Variants in NOL4L observed in about 807,000 individuals in gnomAD.
NOL4L encodes nucleolar protein 4-like.
In NOL4L, 7 loss-of-function variants were observed where a neutral mutation model predicts 64.5. That is an observed-to-expected ratio of 0.11 (90% CI 0.06 to 0.20). The LOEUF (loss-of-function observed/expected upper bound fraction) is 0.20, where lower values mean the gene tolerates loss of function less well. NOL4L is among the 10% of genes least tolerant of loss of function. The probability of loss-of-function intolerance (pLI) is 1.00; values close to 1 mark genes in which losing one functional copy is unlikely to be tolerated. For synonymous variants in NOL4L, 413 were observed against 401.0 expected (o/e 1.03, Z -0.36); for missense variants, 680 against 967.1 (o/e 0.70, Z 3.94).
chr20:32,483,709 GCAGCAGGA>G, intron 4 of NOL4L: 1 of 59,770 alleles, frequency 1.7e-5, no homozygotes, highest in Non-Finnish European at 3.5e-5. Context: ...AGTAGGAGGA[GCAGCAGGA>G]GGAGGTGGCG....
intron 1 of NOL4L, among the ~76,000 whole-genome samples, chr20:32,540,564 C>T (rs1305394122): frequency 6.6e-6 from 1 of 152,164 alleles, no homozygotes; most frequent in Non-Finnish European, 1.5e-5. Context: ...TTCACTGATT[C>T]AACAAATCCT....
intron 4 of NOL4L, chr20:32,486,594 A>T (rs2016095074): frequency 2.5e-6 from 1 of 399,372 alleles, no homozygotes; most frequent in Non-Finnish European, 5.2e-6. Context: ...GACAAATAGG[A>T]TCTTAGCGTG....
chr20:32,503,651 T>G (rs1369610872), intron 4 of NOL4L, among the ~76,000 whole-genome samples: 1 of 152,194 alleles, frequency 6.6e-6, no homozygotes, highest in African/African-American at 2.4e-5. Context: ...TCCAAGACAG[T>G]AGCAAAATCT....
At chr20:32,577,576 T>G (rs1980196491) in intron 1 of NOL4L, among the ~76,000 whole-genome samples, 1 of 152,196 alleles carries the variant, frequency 6.6e-6, no homozygotes, top group Non-Finnish European at 1.5e-5. Flanking sequence ...CCAGGTGCAG[T>G]GCCCACTGCC....
Position 32,445,166 on chromosome 20 carries a change from G to C in NOL4L, c.*2430C>G, listed in dbSNP as rs139368634. On this transcript the variant is annotated 3_prime_UTR_variant, in exon 11 of 11. Transcript: ENST00000621426. ...AACAACATATTCTTTCCTTTCTCTT[G>C]AAAACACATTGAACCTACGCTCTTG... 27 of 152,378 alleles carry C rather than the reference G, an allele frequency of 1.8e-4. No homozygotes were observed. Among genetic ancestry groups the C allele is most frequent in the African/African-American group, 6.5e-4 (27 of 41,586 alleles). 9.4% of individuals were successfully genotyped at this position (152,378 alleles called of 1,614,324 possible). A position where few individuals can be genotyped will look rare whatever the true frequency, so the allele number is the denominator to read the frequency against.
At chr20:32,575,406 G>A (rs577591146) in intron 1 of NOL4L, among the ~76,000 whole-genome samples, 3 of 152,138 alleles carry the variant, frequency 2.0e-5, no homozygotes, top group Non-Finnish European at 2.9e-5. Context: ...CCCACCCCCC[G>A]GAATGAGCTT....
At chr20:32,583,362 G>C (rs1411571300) in intron 1 of NOL4L, among the ~76,000 whole-genome samples, 2 of 150,026 alleles carry the variant, frequency 1.3e-5, no homozygotes, top group South Asian at 4.2e-4. Context: ...TGCACTTTTC[G>C]TAACGACCGA....
In NOL4L at chr20:32,488,849, TTCTTTC is replaced by T. The variant is rs1568649132; in HGVS notation, c.700-14113_700-14108del. On this transcript the variant is annotated intron_variant, in intron 4 of 10. Coordinates refer to ENST00000621426, the MANE Select transcript of NOL4L (RefSeq NM_001256798.2). ...TCTTTTTCTTTCTTTCTTTCTTTCT[TTCTTTC>T]TTTCTTTCTTTCTTTCTTTCTTTCT... Among the ~76,000 whole-genome samples, 411 of 97,332 alleles carry T rather than the reference TTCTTTC, an allele frequency of 4.2e-3. 21 individuals carry two copies. The highest frequency in any genetic ancestry group is 0.024 in the African/African-American group (371 of 15,736). 63.9% of individuals were successfully genotyped at this position (97,332 alleles called of 152,430 possible).
At position 32,456,111 on chromosome 20, in the gene NOL4L, C is replaced by T; in HGVS notation, c.1119+7G>A. On this transcript the variant is annotated splice_region_variant and intron_variant, in intron 6 of 10. Transcript: ENST00000621426. ...AAGAAATGGACTCAGCCCCCAGCCC[C>T]ACACACCTCGGGGGTGGTCTTCACC... 6.7e-7 allele frequency: 1 copy of T among 1,499,604 alleles called. No individual in the cohort carries two copies. The highest frequency in any genetic ancestry group is 8.9e-7 in the Non-Finnish European group (1 of 1,122,844). 92.9% of individuals were successfully genotyped at this position (1,499,604 alleles called of 1,614,324 possible).
At chr20:32,469,774 C>A (rs918520688) in intron 5 of NOL4L, among the ~76,000 whole-genome samples, 12 of 152,242 alleles carry the variant, frequency 7.9e-5, no homozygotes, top group Non-Finnish European at 1.8e-4. Flanking sequence ...AAGCTGACAG[C>A]CTGCAGGGGT....
chr20:32,473,064 C>T (rs1404794374), intron 5 of NOL4L, among the ~76,000 whole-genome samples: 2 of 152,330 alleles, frequency 1.3e-5, no homozygotes, highest in South Asian at 2.1e-4. Flanking sequence ...CACCAGACCT[C>T]CCCAGGACGT....
intron 5 of NOL4L, among the ~76,000 whole-genome samples, chr20:32,466,867 G>A (rs1167332380): frequency 6.6e-6 from 1 of 152,234 alleles, no homozygotes; most frequent in African/African-American, 2.4e-5. Flanking sequence ...ATACTGACCA[G>A]AGCAGACGTC....
chr20:32,546,409 G>C (rs889215951), intron 1 of NOL4L, among the ~76,000 whole-genome samples: 1 of 152,012 alleles, frequency 6.6e-6, no homozygotes, highest in African/African-American at 2.4e-5. Flanking sequence ...AGCTAATTTT[G>C]TATTTTTAGT....
intron 5 of NOL4L, among the ~76,000 whole-genome samples, chr20:32,470,684 C>G (rs992388786): frequency 6.6e-6 from 1 of 152,258 alleles, no homozygotes; most frequent in Admixed American, 6.5e-5. Context: ...GGGGCTTGGC[C>G]GAGGGTCTTT....
intron 4 of NOL4L, among the ~76,000 whole-genome samples, chr20:32,488,827 TTTTCTTTCTTTCTTTC>T (rs1175303976): frequency 3.9e-3 from 128 of 33,136 alleles, no homozygotes; most frequent in Non-Finnish European, 6.0e-3. Flanking sequence ...CTTTCTTTCT[TTTTCTTTCTTTCTTTC>T]TTTCTTTCTT....
Position 32,447,518 on chromosome 20 carries a change from A to G in NOL4L, c.*78T>C. ...ACCTCTTTCAAAAACAAAATGTACC[A>G]ACTGGTGAGGCAGGAAGCCAGGTCC... On this transcript the variant is annotated 3_prime_UTR_variant, in exon 11 of 11. Coordinates refer to ENST00000621426, the MANE Select transcript of NOL4L (RefSeq NM_001256798.2). 6.6e-7 allele frequency: 1 copy of G among 1,510,148 alleles called. No individual in the cohort carries two copies. The highest frequency in any genetic ancestry group is 8.8e-7 in the Non-Finnish European group (1 of 1,139,672). The allele number at this position is 1,510,148 out of a possible 1,614,324, so 93.5% of individuals were successfully genotyped here.
In NOL4L at chr20:32,463,371, T is replaced by A. The variant is rs575400860; in HGVS notation, c.842-6976A>T. On this transcript the variant is annotated intron_variant, in intron 5 of 10. Transcript: ENST00000621426. The surrounding 1 kb of genome is among the most constrained non-coding windows in gnomAD (Gnocchi z 5.8). ...GCCAACCTGCTGGGGCCCAGTGTGA[T>A]GAAAGCAGGGTGGGCCTGCCCCCAG... is the stretch of plus-strand genomic sequence containing the variant. Among the ~76,000 whole-genome samples the A allele has an allele frequency of 6.6e-6, 1 of 152,222 alleles. No homozygotes were observed. The highest frequency in any genetic ancestry group is 1.9e-4 in the East Asian group (1 of 5,170).
At chr20:32,537,021 C>T in intron 1 of NOL4L, 3 of 978,738 alleles carry the variant, frequency 3.1e-6, no homozygotes, top group Non-Finnish European at 3.6e-6. Flanking sequence ...GTCCCCCTTC[C>T]GGCCCCGCCA....
rs2016259118 is a variant in NOL4L at position 32,488,799 on chromosome 20, CTTTCTTTTTCTTTCTTTCTTTCTTTCT to C, written c.700-14084_700-14058del. On this transcript the variant is annotated intron_variant, in intron 4 of 10. Coordinates refer to ENST00000621426, the MANE Select transcript of NOL4L (RefSeq NM_001256798.2). ...CCTTCCTTCCTTCCTTCCTTTCTTT[CTTTCTTTTTCTTTCTTTCTTTCTTTCT>C]TTTTCTTTCTTTCTTTCTTTCTTTC... Among the ~76,000 whole-genome samples the C allele has an allele frequency of 5.2e-4, 19 of 36,530 alleles. 2 individuals are homozygous for C. The highest frequency in any genetic ancestry group is 2.5e-3 in the African/African-American group (17 of 6,790). 24.0% of individuals were successfully genotyped at this position (36,530 alleles called of 152,430 possible). A position where few individuals can be genotyped will look rare whatever the true frequency, so the allele number is the denominator to read the frequency against.
Sources: gnomAD v4.1 joint callset for allele counts (sites outside exome capture counted in the v4.1 genomes callset) on GRCh38, gnomAD v4.1.1 for gene constraint, Gnocchi (gnomAD v3.1) non-coding constraint, MANE v1.5 for transcripts, NCBI Gene and HGNC (gene_info 2026-07-23, HGNC 2026-07-21) for gene names.